Variants in EVC observed in about 807,000 individuals in gnomAD.
EVC encodes EvC ciliary complex subunit 1, also known as evC complex member EVC.
In EVC, 116 loss-of-function variants were observed where a neutral mutation model predicts 118.9. The observed-to-expected ratio is 0.98, with a 90% CI of 0.84 to 1.14. EVC has a LOEUF of 1.14. Among genes scored for constraint, EVC ranks in the 50% most tolerant of loss-of-function variants. EVC has a pLI of 0.00. For missense variants in EVC, 1,401 were observed against 1,246.4 expected, an observed-to-expected ratio of 1.12 and a Z score of -1.87; for synonymous variants, 619 against 534.7, an observed-to-expected ratio of 1.16 and a Z score of -2.18.
At chr4:5,775,685 G>T (rs1268464428) in intron 11 of EVC, among the ~76,000 whole-genome samples, 1 of 152,134 alleles carries the variant, frequency 6.6e-6, no homozygotes, top group Non-Finnish European at 1.5e-5. Context: ...CATCCTACTA[G>T]TGATGGGCTT....
chr4:5,783,437 CTG>C (rs918519406), intron 11 of EVC, 113 bp from the exon 12 acceptor site: 4 of 989,040 alleles, frequency 4.0e-6, no homozygotes, highest in Admixed American at 1.8e-5. Flanking sequence ...GAGTTCCTGT[CTG>C]TGGATCTCCT....
rs1735077711 is a variant in EVC at position 5,778,545 on chromosome 4, A to G, written c.1564-5007A>G. Among the ~76,000 whole-genome samples the G allele has an allele frequency of 4.6e-5, 7 of 152,234 alleles. No individual in the cohort carries two copies. The South Asian group carries it at 1.4e-3, about 32-fold the overall frequency. ...TGATTGCCATTCTAACTGGTGTGAG[A>G]TGATAACTCATTGTGGTTTTGATTT... On this transcript the variant is annotated intron_variant, in intron 11 of 20. Transcript: ENST00000264956.
chr4:5,761,877 A>G lies in EVC; in HGVS notation c.1563+5515A>G, dbSNP rs552961021. ...GGGTCCCATTGGCCAAGAAGCCCCA[A>G]CTGTTAATCAGTTGGCAGCTTAGAA... On this transcript the variant is annotated intron_variant, in intron 11 of 20. Transcript: ENST00000264956. 2.8e-4 allele frequency among the ~76,000 whole-genome samples: 43 copies of G among 151,760 alleles called. 2 individuals carry two copies. The South Asian group carries it at 8.6e-3, about 30-fold the overall frequency.
rs1232419953 is a variant in EVC, at chr4:5,733,127, GTC to G, written c.618-220_618-219del. 2.6e-5 allele frequency among the ~76,000 whole-genome samples: 4 copies of G among 152,214 alleles called. No homozygotes were observed. In the East Asian group the frequency reaches 7.7e-4, roughly 29 times the overall value. On this transcript the variant is annotated intron_variant, in intron 4 of 20. Transcript: ENST00000264956. Reference sequence around the variant, plus strand: ...TCTCTTGGAAGTCCCAGGCACCTATGTCTCTGACACCAACTGTTCTCTTATGG... The same window carrying G: ...TCTCTTGGAAGTCCCAGGCACCTATGTCTGACACCAACTGTTCTCTTATGG...
At chr4:5,715,740 C>CTTTTTTTT (rs35287924) in intron 1 of EVC, among the ~76,000 whole-genome samples, 1 of 70,992 alleles carries the variant, frequency 1.4e-5, no homozygotes, top group Non-Finnish European at 3.0e-5. Context: ...TTTCCATTGT[C>CTTTTTTTT]TTTTTTTTTT....
Position 5,811,015 on chromosome 4 carries a change from TAA to T in EVC, c.2959_2960del (p.Lys987GlufsTer8). 1 of 1,612,662 alleles carries T rather than the reference TAA, an allele frequency of 6.2e-7. No individual in the cohort carries two copies. On this transcript the variant is annotated frameshift_variant, in exon 21 of 21. Coordinates refer to ENST00000264956, the MANE Select transcript of EVC (RefSeq NM_153717.3). LOFTEE classifies it high-confidence loss of function. ...GACAGTGGGAACTCAAAGAAGATGC[TAA>T]AGAGAAGAAGCAACTTGTAGTTTAA... is the stretch of plus-strand genomic sequence containing the variant.
chr4:5,793,189 A>G (rs1713120922), intron 12 of EVC, among the ~76,000 whole-genome samples: 1 of 152,166 alleles, frequency 6.6e-6, no homozygotes, highest in Non-Finnish European at 1.5e-5. Flanking sequence ...AAACACACCA[A>G]TAGAACAAAG....
At chr4:5,720,554 A>T (rs1108761) in intron 2 of EVC, among the ~76,000 whole-genome samples, 119,421 of 152,184 alleles carry the variant, frequency 0.78, 47,378 homozygotes, top group African/African-American at 0.88. Flanking sequence ...GGCTCGGGAT[A>T]TAAAAACGGA....
Position 5,793,602 on chromosome 4 carries a change from G to C in EVC, c.1777-6G>C. On this transcript the variant is annotated splice_region_variant and splice_polypyrimidine_tract_variant and intron_variant, in intron 12 of 20. Transcript: ENST00000264956. ...TGCCTGCTCTGTCCCTCTGTCCCGA[G>C]TTCAGGTGTGGATGGAGGAGTGTGC... 6.4e-7 allele frequency: 1 copy of C among 1,551,386 alleles called. No homozygotes were observed. Among genetic ancestry groups the C allele is most frequent in the South Asian group, 1.2e-5 (1 of 84,054 alleles).
the EVC span, chr4:5,825,280 C>T: frequency 1.0e-6 from 1 of 985,304 alleles, no homozygotes; most frequent in South Asian, 4.7e-5. This position sits in a 1 kb window ranked among gnomAD's most constrained non-coding sequence, Gnocchi z 4.4. Flanking sequence ...CAGGTACCAC[C>T]ATGTTGCCCC....
At chr4:5,799,957 A>G (rs570411519) in intron 15 of EVC, among the ~76,000 whole-genome samples, 1 of 152,352 alleles carries the variant, frequency 6.6e-6, no homozygotes, top group South Asian at 2.1e-4. Flanking sequence ...AGTAAGATAG[A>G]AGGGTGTCGT....
intron 11 of EVC, among the ~76,000 whole-genome samples, chr4:5,775,297 A>G (rs1251062580): frequency 6.6e-6 from 1 of 152,144 alleles, no homozygotes; most frequent in Non-Finnish European, 1.5e-5. Context: ...AAATTAACAA[A>G]TGATTATTGT....
chr4:5,828,411 C>G, the EVC span: 10 of 1,546,734 alleles, frequency 6.5e-6, no homozygotes, highest in Non-Finnish European at 7.8e-6. Flanking sequence ...ACTCTGCACA[C>G]GTCAGATCTC....
At chr4:5,799,535 T>G (rs1714593214) in intron 15 of EVC, among the ~76,000 whole-genome samples, 1 of 152,174 alleles carries the variant, frequency 6.6e-6, no homozygotes, top group Admixed American at 6.5e-5. Flanking sequence ...GCATACACGC[T>G]GCGCCTGCCT....
chr4:5,788,723 G>A (rs1396661512), intron 12 of EVC, among the ~76,000 whole-genome samples: 1 of 152,088 alleles, frequency 6.6e-6, no homozygotes, highest in African/African-American at 2.4e-5. Context: ...TTAGCACCCT[G>A]GTCAAAACCA....
chr4:5,742,133 A>G lies in EVC; in HGVS notation c.801+319A>G, dbSNP rs1425713388. On this transcript the variant is annotated intron_variant, in intron 6 of 20. Transcript: ENST00000264956. The surrounding 1 kb of genome is among the most constrained non-coding windows in gnomAD (Gnocchi z 5.2). The stretch of plus-strand genomic sequence containing the variant: ...ATTTGTTTATTGGTTATAGCTATGT[A>G]TACTACTTTGTATTCTATTCTCAGT... Among the ~76,000 whole-genome samples the G allele has an allele frequency of 6.6e-6, 1 of 152,186 alleles. No individual in the cohort carries two copies. Among genetic ancestry groups the G allele is most frequent in the Non-Finnish European group, 1.5e-5 (1 of 68,028 alleles).
In EVC at chr4:5,811,080, G is replaced by C; in HGVS notation, c.*43G>C. On this transcript the variant is annotated 3_prime_UTR_variant, in exon 21 of 21. Coordinates refer to ENST00000264956, the MANE Select transcript of EVC (RefSeq NM_153717.3). ...GGACAAGACCTGAAGCCCTGGGTCT[G>C]GGTGTGAATTCCACCTTCCCTCCTG... The C allele has an allele frequency of 6.5e-7, 1 of 1,526,780 alleles. No homozygotes were observed. Among genetic ancestry groups the C allele is most frequent in the Non-Finnish European group, 9.0e-7 (1 of 1,112,610 alleles). The allele number at this position is 1,526,780 out of a possible 1,614,324, so 94.6% of individuals were successfully genotyped here.
intron 2 of EVC, among the ~76,000 whole-genome samples, chr4:5,720,966 C>G (rs1184186423): frequency 1.3e-5 from 2 of 152,156 alleles, no homozygotes; most frequent in Non-Finnish European, 2.9e-5. Flanking sequence ...TGTGCTGTCT[C>G]TGACACTGTG....
At chr4:5,809,762 G>A (rs1352878872) in intron 19 of EVC, 151 bp downstream of exon 19, 1 of 747,918 alleles carries the variant, frequency 1.3e-6, no homozygotes, top group East Asian at 2.7e-5. Flanking sequence ...AAATGAGCAG[G>A]CTTGGCTAGG....
Sources: gnomAD v4.1 joint callset for allele counts (sites outside exome capture counted in the v4.1 genomes callset) on GRCh38, gnomAD v4.1.1 for gene constraint, Gnocchi (gnomAD v3.1) non-coding constraint, MANE v1.5 for transcripts, NCBI Gene and HGNC (gene_info 2026-07-23, HGNC 2026-07-21) for gene names.